ZBTB42: variants seen among roughly 807,000 people sequenced by gnomAD.
ZBTB42 encodes the protein zinc finger and BTB domain-containing protein 42.
In ZBTB42, 3 loss-of-function variants were observed where a neutral mutation model predicts 4.7. The observed-to-expected ratio is 0.64, with a 90% CI of 0.29 to 1.66. The LOEUF (loss-of-function observed/expected upper bound fraction) is 1.66. Among genes scored for constraint, ZBTB42 ranks in the 40% most tolerant of loss-of-function variants. ZBTB42 has a pLI of 0.10. For missense variants in ZBTB42, 521 were observed against 577.1 expected, an observed-to-expected ratio of 0.90 and a Z score of 1.00; for synonymous variants, 255 against 259.5, an observed-to-expected ratio of 0.98 and a Z score of 0.17.
Position 104,802,672 on chromosome 14 carries a change from C to T in ZBTB42, c.*206C>T, listed in dbSNP as rs1388649404. On this transcript the variant is annotated 3_prime_UTR_variant, in exon 1 of 1. Coordinates refer to ENST00000342537, the MANE Select transcript of ZBTB42 (RefSeq NM_001137601.3). This position sits in a 1 kb window ranked among gnomAD's most constrained non-coding sequence, Gnocchi z 5.9. ...GGGCAGCCTTCCTCCCACCTTGCCTCTCCTTTCCCCTCACTCTCCAACTCA... is the reference window on the plus strand; with the variant it reads ...GGGCAGCCTTCCTCCCACCTTGCCTTTCCTTTCCCCTCACTCTCCAACTCA... 1 of 701,308 alleles carries T rather than the reference C, an allele frequency of 1.4e-6. No individual in the cohort carries two copies. Among genetic ancestry groups the T allele is most frequent in the Non-Finnish European group, 2.4e-6 (1 of 418,262 alleles). The allele number at this position is 701,308 out of a possible 1,614,324, so 43.4% of individuals were successfully genotyped here. A position where few individuals can be genotyped will look rare whatever the true frequency, so the allele number is the denominator to read the frequency against.
rs1242896738 is a variant in ZBTB42 at position 104,801,708 on chromosome 14, C to G, written c.511C>G (p.Arg171Gly). 4 of 1,550,192 alleles carry G rather than the reference C, an allele frequency of 2.6e-6. No individual in the cohort carries two copies. In the South Asian group the frequency reaches 3.6e-5, roughly 14 times the overall value. Residue 171 changes from arginine to glycine, a missense_variant, in exon 1 of 1, where the codon CGA (arginine) becomes GGA (glycine). Physicochemically the swap from Arg to Gly is moderately radical, Grantham distance 125. Transcript: ENST00000342537. The surrounding 1 kb of genome is among the most constrained non-coding windows in gnomAD (Gnocchi z 4.4). The stretch of plus-strand genomic sequence containing the variant: ...TGGGGTCAAGGCTGCCCTCCCTCCT[C>G]GAGCATCTGGGCCTCCTCCCTGCCA... Reference protein sequence around the residue: ...PFGVKAALPPRASGPPPCQVP... With the variant: ...PFGVKAALPPGASGPPPCQVP...
rs1303094037 is a variant in ZBTB42, at chr14:104,802,059, G to A, written c.862G>A (p.Gly288Arg). ...AGRLASEDELGPGGPLCICPL... is the reference protein window; with the variant it reads ...AGRLASEDELRPGGPLCICPL... ...GCGACTGGCGAGTGAGGACGAGCTG[G>A]GGCCTGGTGGGCCCCTCTGCATCTG... is the stretch of plus-strand genomic sequence containing the variant. The change falls in exon 1 of 1, where the codon GGG becomes AGG. Residue 288 changes from glycine to arginine, a missense_variant. Coordinates refer to ENST00000342537, the MANE Select transcript of ZBTB42 (RefSeq NM_001137601.3). This position sits in a 1 kb window ranked among gnomAD's most constrained non-coding sequence, Gnocchi z 5.9. 1.3e-6 allele frequency: 2 copies of A among 1,499,222 alleles called. No individual in the cohort carries two copies. Among genetic ancestry groups the A allele is most frequent in the East Asian group, 4.9e-5 (2 of 40,450 alleles). 92.9% of individuals were successfully genotyped at this position (1,499,222 alleles called of 1,614,324 possible).
Position 104,801,238 on chromosome 14 carries a change from T to G in ZBTB42, c.41T>G (p.Leu14Arg), listed in dbSNP as rs750073002. The G allele has an allele frequency of 2.0e-6, 3 of 1,477,372 alleles. No individual in the cohort carries two copies. In the South Asian group the frequency reaches 4.0e-5, roughly 20 times the overall value. 91.5% of individuals were successfully genotyped at this position (1,477,372 alleles called of 1,614,324 possible). A position where few individuals can be genotyped will look rare whatever the true frequency, so the allele number is the denominator to read the frequency against. ...CACGGCGGACGGCTGCTGGGCCGCCTGAGACAGCAGCGCGAGCTGGGCTTC... is the reference window on the plus strand; with the variant it reads ...CACGGCGGACGGCTGCTGGGCCGCCGGAGACAGCAGCGCGAGCTGGGCTTC... ...PEHGGRLLGR[L>R]RQQRELGFLC... Residue 14 changes from leucine to arginine, a missense_variant, in exon 1 of 1, where the codon CTG becomes CGG. By Grantham distance (102) the Leu-to-Arg change is moderately radical. Transcript: ENST00000342537. This position sits in a 1 kb window ranked among gnomAD's most constrained non-coding sequence, Gnocchi z 4.4.
Position 104,804,681 on chromosome 14 carries a change from G to A in ZBTB42, c.*2215G>A, listed in dbSNP as rs1056302990. ...GCTGTCTTCCTCTTTTCACATCATG[G>A]CGACAGTAATAAAGCCCACCTCCAG... On this transcript the variant is annotated 3_prime_UTR_variant, in exon 1 of 1. Coordinates refer to ENST00000342537, the MANE Select transcript of ZBTB42 (RefSeq NM_001137601.3). The A allele has an allele frequency of 1.2e-5, 2 of 166,358 alleles. No homozygotes were observed. Among genetic ancestry groups the A allele is most frequent in the Non-Finnish European group, 2.9e-5 (2 of 68,146 alleles). The allele number at this position is 166,358 out of a possible 1,614,324, so 10.3% of individuals were successfully genotyped here.
chr14:104,802,516 T>A lies in ZBTB42; in HGVS notation c.*50T>A. The A allele has an allele frequency of 6.6e-7, 1 of 1,516,052 alleles. No homozygotes were observed. Among genetic ancestry groups the A allele is most frequent in the Non-Finnish European group, 8.9e-7 (1 of 1,127,744 alleles). 93.9% of individuals were successfully genotyped at this position (1,516,052 alleles called of 1,614,324 possible). ...GGGGTGGAAGGGAAGGGATGGGCCC[T>A]CCCAGGTGGGACACAGCATGGGGTG... On this transcript the variant is annotated 3_prime_UTR_variant, in exon 1 of 1. Transcript: ENST00000342537. This position sits in a 1 kb window ranked among gnomAD's most constrained non-coding sequence, Gnocchi z 5.9.
At chr14:104,801,080 GCGCGTCACTCC>G (rs1894030550), upstream of ZBTB42, 1 of 1,312,694 alleles carries the variant, frequency 7.6e-7, no homozygotes, top group Non-Finnish European at 9.8e-7. This position sits in a 1 kb window ranked among gnomAD's most constrained non-coding sequence, Gnocchi z 4.4. Context: ...GGGAGGTTGC[GCGCGTCACTCC>G]CGCGCCGCTC....
Position 104,802,324 on chromosome 14 carries a change from A to T in ZBTB42, c.1127A>T (p.Asn376Ile). Residue 376 changes from asparagine (N) to isoleucine (I), a missense_variant, in exon 1 of 1, where the codon AAC becomes ATC. Coordinates refer to ENST00000342537, the MANE Select transcript of ZBTB42 (RefSeq NM_001137601.3). The surrounding 1 kb of genome is among the most constrained non-coding windows in gnomAD (Gnocchi z 5.9). ...QCGKSFQYSHNLSRHTVVHTR... is the reference protein window; with the variant it reads ...QCGKSFQYSHILSRHTVVHTR... ...GGCAAAAGTTTTCAGTACTCCCACAACCTGAGCCGGCACACCGTAGTGCAC... is the reference window on the plus strand; with the variant it reads ...GGCAAAAGTTTTCAGTACTCCCACATCCTGAGCCGGCACACCGTAGTGCAC... 1.3e-6 allele frequency: 2 copies of T among 1,550,316 alleles called. No homozygotes were observed. Among genetic ancestry groups the T allele is most frequent in the South Asian group, 2.4e-5 (2 of 84,050 alleles).
chr14:104,802,979 C>T lies in ZBTB42; in HGVS notation c.*513C>T, dbSNP rs1010833168. On this transcript the variant is annotated 3_prime_UTR_variant, in exon 1 of 1. Coordinates refer to ENST00000342537, the MANE Select transcript of ZBTB42 (RefSeq NM_001137601.3). This position sits in a 1 kb window ranked among gnomAD's most constrained non-coding sequence, Gnocchi z 5.9. ...GGGCGCTGGGAGGGAACAGGACACT[C>T]CTGGGGAGCGGCAGCAGGAACCCCT... The T allele has an allele frequency of 6.0e-6, 1 of 165,958 alleles. No individual in the cohort carries two copies. Among genetic ancestry groups the T allele is most frequent in the African/African-American group, 2.5e-5 (1 of 39,996 alleles). The allele number at this position is 165,958 out of a possible 1,614,324, so 10.3% of individuals were successfully genotyped here.
Position 104,802,132 on chromosome 14 carries a change from A to G in ZBTB42, c.935A>G (p.His312Arg). The change falls in exon 1 of 1, where the codon CAC becomes CGC. Residue 312 changes from histidine (H) to arginine (R), a missense_variant. Transcript: ENST00000342537. The surrounding 1 kb of genome is among the most constrained non-coding windows in gnomAD (Gnocchi z 5.9). ...CCCAGCTCCCACGTGCTGCAGCTGC[A>G]CCTCAGTGCCCACTTCCGTGAGCGA... ...LFPSSHVLQL[H>R]LSAHFRERDS... The G allele has an allele frequency of 6.5e-7, 1 of 1,538,728 alleles. No homozygotes were observed. Among genetic ancestry groups the G allele is most frequent in the Non-Finnish European group, 8.8e-7 (1 of 1,141,974 alleles).
chr14:104,802,018 T>C lies in ZBTB42; in HGVS notation c.821T>C (p.Leu274Pro), dbSNP rs1894055982. Reference sequence around the variant, plus strand: ...CTCAGCGGAGAGGGCAGCCGGGAGCTGGAGCTTGGTGCAGGGCGACTGGCG... The same window carrying C: ...CTCAGCGGAGAGGGCAGCCGGGAGCCGGAGCTTGGTGCAGGGCGACTGGCG... ...LPLSGEGSRE[L>P]ELGAGRLASE... The change falls in exon 1 of 1, where the codon CTG becomes CCG. Residue 274 changes from leucine to proline, a missense_variant. Physicochemically the swap from Leu to Pro is moderately conservative, Grantham distance 98. Coordinates refer to ENST00000342537, the MANE Select transcript of ZBTB42 (RefSeq NM_001137601.3). This position sits in a 1 kb window ranked among gnomAD's most constrained non-coding sequence, Gnocchi z 5.9. The C allele has an allele frequency of 6.7e-7, 1 of 1,493,744 alleles. No homozygotes were observed. Among genetic ancestry groups the C allele is most frequent in the South Asian group, 1.3e-5 (1 of 78,190 alleles). 92.5% of individuals were successfully genotyped at this position (1,493,744 alleles called of 1,614,324 possible).
rs929133014 is a variant in ZBTB42, at chr14:104,802,590, C to T, written c.*124C>T. 50 of 1,369,876 alleles carry T rather than the reference C, an allele frequency of 3.6e-5. No homozygotes were observed. The highest frequency in any genetic ancestry group is 4.6e-5 in the Non-Finnish European group (47 of 1,025,482). 84.9% of individuals were successfully genotyped at this position (1,369,876 alleles called of 1,614,324 possible). Reference sequence around the variant, plus strand: ...CCTGCTTGGGCCAGATGGCTCCACCCTCCTGGCAGAGAGAATGCTGCCTCT... The same window carrying T: ...CCTGCTTGGGCCAGATGGCTCCACCTTCCTGGCAGAGAGAATGCTGCCTCT... On this transcript the variant is annotated 3_prime_UTR_variant, in exon 1 of 1. Transcript: ENST00000342537. This position sits in a 1 kb window ranked among gnomAD's most constrained non-coding sequence, Gnocchi z 5.9.
Position 104,801,582 on chromosome 14 carries a change from A to G in ZBTB42, c.385A>G (p.Asn129Asp). ...QEKDRSLDPGNPAPGAEPAQP... is the reference protein window; with the variant it reads ...QEKDRSLDPGDPAPGAEPAQP... ...GAAGGATCGAAGTCTGGACCCGGGGAACCCTGCCCCTGGGGCAGAACCTGC... is the reference window on the plus strand; with the variant it reads ...GAAGGATCGAAGTCTGGACCCGGGGGACCCTGCCCCTGGGGCAGAACCTGC... The change falls in exon 1 of 1, where the codon AAC becomes GAC. Residue 129 changes from asparagine (N) to aspartate (D), a missense_variant. By Grantham distance (23) the Asn-to-Asp change is conservative (BLOSUM62 1). Transcript: ENST00000342537. This position sits in a 1 kb window ranked among gnomAD's most constrained non-coding sequence, Gnocchi z 4.4. The G allele has an allele frequency of 6.5e-7, 1 of 1,549,718 alleles. No individual in the cohort carries two copies. Among genetic ancestry groups the G allele is most frequent in the Non-Finnish European group, 8.7e-7 (1 of 1,146,568 alleles).
At position 104,804,175 on chromosome 14, in the gene ZBTB42, A is replaced by G. The variant is rs140954212; in HGVS notation, c.*1709A>G. 3.2e-3 allele frequency: 391 copies of G among 123,052 alleles called. 1 individual carries two copies. Among genetic ancestry groups the G allele is most frequent in the African/African-American group, 0.011 (333 of 30,862 alleles). The allele number at this position is 123,052 out of a possible 1,614,324, so 7.6% of individuals were successfully genotyped here. ...TGTGTGTGTGTGTGTGTGTGTGTGTATGTATGCATGCGTCTGGCACATGGC... is the reference window on the plus strand; with the variant it reads ...TGTGTGTGTGTGTGTGTGTGTGTGTGTGTATGCATGCGTCTGGCACATGGC... On this transcript the variant is annotated 3_prime_UTR_variant, in exon 1 of 1. Transcript: ENST00000342537.
chr14:104,801,635 G>C lies in ZBTB42; in HGVS notation c.438G>C (p.Trp146Cys). 1 of 1,550,244 alleles carries C rather than the reference G, an allele frequency of 6.5e-7. No homozygotes were observed. Among genetic ancestry groups the C allele is most frequent in the Non-Finnish European group, 8.7e-7 (1 of 1,146,928 alleles). Residue 146 changes from tryptophan to cysteine, a missense_variant, in exon 1 of 1, where the codon TGG becomes TGC. By Grantham distance (215) the Trp-to-Cys change is radical. Coordinates refer to ENST00000342537, the MANE Select transcript of ZBTB42 (RefSeq NM_001137601.3). This position sits in a 1 kb window ranked among gnomAD's most constrained non-coding sequence, Gnocchi z 4.4. ...AGCCACCGTGCCCCTGGCCTGTCTG[G>C]ACCGCGGACCTCTGCCCAGCTGCCC... ...PAQPPCPWPV[W>C]TADLCPAARK...
chr14:104,802,739 T>C lies in ZBTB42; in HGVS notation c.*273T>C. 1.8e-6 allele frequency: 1 copy of C among 551,970 alleles called. No homozygotes were observed. Among genetic ancestry groups the C allele is most frequent in the East Asian group, 3.2e-5 (1 of 30,964 alleles). 34.2% of individuals were successfully genotyped at this position (551,970 alleles called of 1,614,324 possible). ...GTGCCCTGCCTAGGCTGTGACACTA[T>C]CTTCCTCTCCCGTCCCCTCCAGCCA... On this transcript the variant is annotated 3_prime_UTR_variant, in exon 1 of 1. Coordinates refer to ENST00000342537, the MANE Select transcript of ZBTB42 (RefSeq NM_001137601.3). The surrounding 1 kb of genome is among the most constrained non-coding windows in gnomAD (Gnocchi z 5.9).
At position 104,802,138 on chromosome 14, in the gene ZBTB42, G is replaced by A; in HGVS notation, c.941G>A (p.Ser314Asn). ...PSSHVLQLHLSAHFRERDSTR... is the reference protein window; with the variant it reads ...PSSHVLQLHLNAHFRERDSTR... ...TCCCACGTGCTGCAGCTGCACCTCA[G>A]TGCCCACTTCCGTGAGCGAGACAGC... Residue 314 changes from serine to asparagine, a missense_variant, in exon 1 of 1, where the codon AGT (serine) becomes AAT (asparagine). Coordinates refer to ENST00000342537, the MANE Select transcript of ZBTB42 (RefSeq NM_001137601.3). The surrounding 1 kb of genome is among the most constrained non-coding windows in gnomAD (Gnocchi z 5.9). 5 of 1,542,934 alleles carry A rather than the reference G, an allele frequency of 3.2e-6. No homozygotes were observed. The highest frequency in any genetic ancestry group is 3.5e-6 in the Non-Finnish European group (4 of 1,144,788).
In ZBTB42 at chr14:104,802,481, T is replaced by A; in HGVS notation, c.*15T>A. 6.5e-7 allele frequency: 1 copy of A among 1,541,850 alleles called. No individual in the cohort carries two copies. The highest frequency in any genetic ancestry group is 8.8e-7 in the Non-Finnish European group (1 of 1,141,330). On this transcript the variant is annotated 3_prime_UTR_variant, in exon 1 of 1. Transcript: ENST00000342537. This position sits in a 1 kb window ranked among gnomAD's most constrained non-coding sequence, Gnocchi z 5.9. ...TTCTGGTGTGATGCATCCCTGTGGG[T>A]CCTGAGGGTGGGGTGGAAGGGAAGG...
Position 104,801,241 on chromosome 14 carries a change from G to T in ZBTB42, c.44G>T (p.Arg15Ile). 6.7e-7 allele frequency: 1 copy of T among 1,481,960 alleles called. No homozygotes were observed. Among genetic ancestry groups the T allele is most frequent in the South Asian group, 1.3e-5 (1 of 74,966 alleles). 91.8% of individuals were successfully genotyped at this position (1,481,960 alleles called of 1,614,324 possible). The change falls in exon 1 of 1, where the codon AGA becomes ATA. Residue 15 changes from arginine to isoleucine, a missense_variant. Coordinates refer to ENST00000342537, the MANE Select transcript of ZBTB42 (RefSeq NM_001137601.3). This position sits in a 1 kb window ranked among gnomAD's most constrained non-coding sequence, Gnocchi z 4.4. ...EHGGRLLGRL[R>I]QQRELGFLCD... Reference sequence around the variant, plus strand: ...GGCGGACGGCTGCTGGGCCGCCTGAGACAGCAGCGCGAGCTGGGCTTCCTA... The same window carrying T: ...GGCGGACGGCTGCTGGGCCGCCTGATACAGCAGCGCGAGCTGGGCTTCCTA...
rs557164398 is a variant in ZBTB42, at chr14:104,802,386, C to T, written c.1189C>T (p.Arg397Cys). 145 of 1,550,796 alleles carry T rather than the reference C, an allele frequency of 9.4e-5. 1 individual carries two copies. Among genetic ancestry groups the T allele is most frequent in the South Asian group, 5.6e-4 (47 of 84,078 alleles). The change falls in exon 1 of 1, where the codon CGC (arginine) becomes TGC (cysteine). Residue 397 changes from arginine to cysteine, a missense_variant. By Grantham distance (180) the Arg-to-Cys change is radical. Coordinates refer to ENST00000342537, the MANE Select transcript of ZBTB42 (RefSeq NM_001137601.3). The surrounding 1 kb of genome is among the most constrained non-coding windows in gnomAD (Gnocchi z 5.9). ...GCCGCATGCCTGCCGGTGGTGTGAG[C>T]GCCGTTTCACGCAGTCCGGGGACCT... ...EKPHACRWCE[R>C]RFTQSGDLYR...
Sources: gnomAD v4.1 joint callset for allele counts on GRCh38, gnomAD v4.1.1 for gene constraint, Gnocchi (gnomAD v3.1) non-coding constraint, MANE v1.5 for transcripts, NCBI Gene and HGNC (gene_info 2026-07-23, HGNC 2026-07-21) for gene names.